ANO3: variants seen among roughly 807,000 people sequenced by gnomAD.
ANO3 encodes anoctamin-3.
Under a neutral mutation model 144.8 loss-of-function variants are expected in ANO3, and 99 were observed. That is an observed-to-expected ratio of 0.68 (90% confidence interval 0.58 to 0.81). The LOEUF (loss-of-function observed/expected upper bound fraction) is 0.81. ANO3 is among the 30% of genes least tolerant of loss of function. ANO3 has a pLI of 0.00. For missense variants in ANO3, 905 were observed against 1,202.2 expected, an observed-to-expected ratio of 0.75 and a Z score of 3.66; for synonymous variants, 414 against 392.6, an observed-to-expected ratio of 1.05 and a Z score of -0.64.
intron 4 of ANO3, among the ~76,000 whole-genome samples, chr11:26,500,348 C>A (rs1418444764): frequency 3.3e-5 from 5 of 151,884 alleles, no homozygotes; most frequent in Non-Finnish European, 7.4e-5. Flanking sequence ...AGTGTTGTAA[C>A]TTTATGTTTA....
At chr11:26,334,402 T>C (rs1855140389) in intron 1 of ANO3, among the ~76,000 whole-genome samples, 1 of 152,238 alleles carries the variant, frequency 6.6e-6, no homozygotes, top group Non-Finnish European at 1.5e-5. Context: ...AGATGTGATC[T>C]GTCCTAGGAG....
intron 1 of ANO3, among the ~76,000 whole-genome samples, chr11:26,204,409 C>A (rs1851756713): frequency 6.6e-6 from 1 of 152,100 alleles, no homozygotes; most frequent in African/African-American, 2.4e-5. Flanking sequence ...CTTGCTTCAT[C>A]ATGAGGACAC....
At chr11:26,254,158 T>G (rs976970651) in intron 1 of ANO3, among the ~76,000 whole-genome samples, 3 of 152,180 alleles carry the variant, frequency 2.0e-5, no homozygotes, top group African/African-American at 7.2e-5. Context: ...AGCTGGTGAC[T>G]TACGAGTACT....
rs1242201003 is a variant in ANO3, at chr11:26,600,449, CCTCCCTT to C, written c.1836+740_1836+746del. The stretch of plus-strand genomic sequence containing the variant: ...CCTCCTCTCCCCTCCCCTCTCCTCC[CCTCCCTT>C]CTCCTTTCCTCCTCCCCTCCCCTCC... On this transcript the variant is annotated intron_variant, in intron 17 of 26. Transcript: ENST00000256737. Among the ~76,000 whole-genome samples, 104 of 58,400 alleles carry C rather than the reference CCTCCCTT, an allele frequency of 1.8e-3. 2 individuals carry two copies. Among genetic ancestry groups the C allele is most frequent in the African/African-American group, 7.9e-3 (102 of 12,940 alleles). 38.3% of individuals were successfully genotyped at this position (58,400 alleles called of 152,430 possible). A position where few individuals can be genotyped will look rare whatever the true frequency, so the allele number is the denominator to read the frequency against.
chr11:26,379,479 T>C (rs1269669348), intron 1 of ANO3, among the ~76,000 whole-genome samples: 1 of 152,010 alleles, frequency 6.6e-6, no homozygotes, highest in Non-Finnish European at 1.5e-5. Flanking sequence ...TGGTGTAACA[T>C]TGGAAATAAG....
At chr11:26,272,131 C>T (rs2133836924) in intron 1 of ANO3, among the ~76,000 whole-genome samples, 1 of 151,826 alleles carries the variant, frequency 6.6e-6, no homozygotes, top group East Asian at 1.9e-4. Flanking sequence ...AAAACTGATC[C>T]CCCACAGTTC....
intron 1 of ANO3, among the ~76,000 whole-genome samples, chr11:26,424,005 A>C (rs573462028): frequency 6.6e-6 from 1 of 152,036 alleles, no homozygotes; most frequent in Non-Finnish European, 1.5e-5. Flanking sequence ...TGGCAAATGC[A>C]GTTATTTAAG....
chr11:26,497,171 T>TA (rs1197526826), intron 4 of ANO3, among the ~76,000 whole-genome samples: 1 of 151,696 alleles, frequency 6.6e-6, no homozygotes, highest in Non-Finnish European at 1.5e-5. Flanking sequence ...CACAAATCTA[T>TA]AAAATCAAAC....
rs993028467 is a variant in ANO3, at chr11:26,422,996, T to C, written c.47-18922T>C. Among the ~76,000 whole-genome samples, 6 of 152,108 alleles carry C rather than the reference T, an allele frequency of 3.9e-5. No individual in the cohort carries two copies. The South Asian group carries it at 1.2e-3, about 32-fold the overall frequency. On this transcript the variant is annotated intron_variant, in intron 1 of 26. Coordinates refer to ENST00000256737, the MANE Select transcript of ANO3 (RefSeq NM_031418.4). ...GAAAAAGCACCGCATTAAAGATATA[T>C]GGGCAGGAAAACATAGGGCAGTAGG... is the stretch of plus-strand genomic sequence containing the variant.
intron 26 of ANO3, among the ~76,000 whole-genome samples, chr11:26,659,101 T>C (rs202231805): frequency 1.8e-3 from 166 of 94,828 alleles, no homozygotes; most frequent in Admixed American, 8.4e-3. Context: ...CACACACACA[T>C]ATATATATAC....
intron 14 of ANO3, chr11:26,565,133 A>T: frequency 6.7e-7 from 1 of 1,487,740 alleles, no homozygotes; most frequent in Non-Finnish European, 8.9e-7. Context: ...TCAGTTTCAC[A>T]CAAAAGGAAA....
intron 1 of ANO3, among the ~76,000 whole-genome samples, chr11:26,389,688 G>C (rs894010237): frequency 6.6e-6 from 1 of 151,932 alleles, no homozygotes; most frequent in Non-Finnish European, 1.5e-5. Context: ...CCACATGTTT[G>C]CTAATTTTGT....
At chr11:26,568,210 A>G (rs1156309393) in intron 14 of ANO3, among the ~76,000 whole-genome samples, 2 of 152,072 alleles carry the variant, frequency 1.3e-5, no homozygotes, top group African/African-American at 4.8e-5. Context: ...GCTGCTTTAC[A>G]TATTTTCCAT....
chr11:26,462,297 G>A (rs940372815), intron 3 of ANO3, among the ~76,000 whole-genome samples: 3 of 151,804 alleles, frequency 2.0e-5, no homozygotes, highest in African/African-American at 7.2e-5. Context: ...AATTTGCAGA[G>A]ATATTTATAT....
Position 26,522,214 on chromosome 11 carries a change from CAAA to C in ANO3, c.693-3413_693-3411del, listed in dbSNP as rs398115186. ...AAACAAACAGCAACAACAACAACAA[CAAA>C]AAAAAAACATTAAGAGCAATCATTT... On this transcript the variant is annotated intron_variant, in intron 6 of 26. Transcript: ENST00000256737. Among the ~76,000 whole-genome samples the C allele has an allele frequency of 3.9e-3, 587 of 150,868 alleles. 1 individual carries two copies. The highest frequency in any genetic ancestry group is 5.3e-3 in the African/African-American group (216 of 41,012).
At chr11:26,451,787 GTGGGTCCCTGACC>G (rs1015347548) in intron 3 of ANO3, among the ~76,000 whole-genome samples, 3 of 152,216 alleles carry the variant, frequency 2.0e-5, no homozygotes, top group African/African-American at 7.2e-5. Flanking sequence ...GCCTCCTCAA[GTGGGTCCCTGACC>G]CCTGACCCCT....
intron 7 of ANO3, among the ~76,000 whole-genome samples, chr11:26,530,498 TATC>T (rs767695373): frequency 0.044 from 845 of 19,106 alleles, 3 homozygotes; most frequent in Admixed American, 0.19. Flanking sequence ...TCTATCTATC[TATC>T]ATCTATCTAT....
intron 4 of ANO3, among the ~76,000 whole-genome samples, chr11:26,481,415 A>G (rs952852353): frequency 6.6e-6 from 1 of 152,356 alleles, no homozygotes; most frequent in Non-Finnish European, 1.5e-5. Flanking sequence ...TCTTTACAGT[A>G]GAGGTGGAAA....
At chr11:26,322,532 T>C (rs1363621600) in intron 1 of ANO3, among the ~76,000 whole-genome samples, 2 of 152,172 alleles carry the variant, frequency 1.3e-5, no homozygotes, top group East Asian at 1.9e-4. Flanking sequence ...TGCTTTTTGA[T>C]GACATTGACA....
Sources: allele counts gnomAD v4.1 joint callset (sites outside exome capture counted in the v4.1 genomes callset), GRCh38; gene constraint gnomAD v4.1.1; transcripts MANE v1.5; gene names NCBI Gene and HGNC (gene_info 2026-07-23, HGNC 2026-07-21).